The following GFOD1 variants were observed in gnomAD, a reference collection of about 807,000 sequenced individuals.
GFOD1 encodes glucose-fructose oxidoreductase domain-containing protein 1.
In GFOD1, 9 loss-of-function variants were observed where a neutral mutation model predicts 25.4. That is an observed-to-expected ratio of 0.35 (90% CI 0.21 to 0.62). The LOEUF (loss-of-function observed/expected upper bound fraction) is 0.62. GFOD1 is among the 20% of genes least tolerant of loss of function. GFOD1 has a pLI of 0.72. For synonymous variants in GFOD1, 253 were observed against 245.6 expected (o/e 1.03, Z -0.28); for missense variants, 403 against 556.9 (o/e 0.72, Z 2.78).
At chr6:13,425,719 C>T (rs1238372696) in intron 1 of GFOD1, among the ~76,000 whole-genome samples, 1 of 152,108 alleles carries the variant, frequency 6.6e-6, no homozygotes, top group Non-Finnish European at 1.5e-5. Context: ...TAGTCTCCAT[C>T]CGGCTCTGAC....
In GFOD1 at chr6:13,365,098, G is replaced by C; in HGVS notation, c.818C>G (p.Pro273Arg). The C allele has an allele frequency of 6.2e-7, 1 of 1,612,392 alleles. No homozygotes were observed. Among genetic ancestry groups the C allele is most frequent in the Non-Finnish European group, 8.5e-7 (1 of 1,179,810 alleles). The change falls in exon 2 of 2, where the codon CCG becomes CGG. Residue 273 changes from proline to arginine, a missense_variant. Transcript: ENST00000379287. The surrounding 1 kb of genome is among the most constrained non-coding windows in gnomAD (Gnocchi z 9.2). ...GTCCTGCACCAGCAGCTCCTGCTCC[G>C]GGGCGCTGTTGCGCTGCCCGTACAG... ...TDLYGQRNSA[P>R]EQELLVQDAT... is the part of the protein sequence containing the mutation.
At chr6:13,402,085 G>C (rs2127563643) in intron 1 of GFOD1, among the ~76,000 whole-genome samples, 1 of 152,286 alleles carries the variant, frequency 6.6e-6, no homozygotes, top group Middle Eastern at 3.4e-3. Context: ...AATTCAATGG[G>C]AAAAGAATCG....
At chr6:13,464,740 G>A (rs1473298057) in intron 1 of GFOD1, among the ~76,000 whole-genome samples, 1 of 152,194 alleles carries the variant, frequency 6.6e-6, no homozygotes, top group Admixed American at 6.5e-5. Flanking sequence ...CTTCTGAAGA[G>A]GAGGAATTCC....
At chr6:13,480,612 C>G (rs974825567) in intron 1 of GFOD1, among the ~76,000 whole-genome samples, 2 of 152,102 alleles carry the variant, frequency 1.3e-5, no homozygotes, top group African/African-American at 4.8e-5. Context: ...TCAGGTGATC[C>G]TCCCACCTCA....
At chr6:13,391,210 C>T (rs1394552617) in intron 1 of GFOD1, among the ~76,000 whole-genome samples, 1 of 152,100 alleles carries the variant, frequency 6.6e-6, no homozygotes, top group East Asian at 1.9e-4. Context: ...AAATGGACTT[C>T]AATTCCAGTA....
intron 1 of GFOD1, among the ~76,000 whole-genome samples, chr6:13,467,374 T>C (rs1584668898): frequency 6.6e-6 from 1 of 152,062 alleles, no homozygotes; most frequent in Admixed American, 6.6e-5. Flanking sequence ...CACCGCTAAT[T>C]AGTATGGTGT....
intron 1 of GFOD1, among the ~76,000 whole-genome samples, chr6:13,417,111 G>A (rs987710863): frequency 1.3e-5 from 2 of 152,232 alleles, no homozygotes; most frequent in Non-Finnish European, 2.9e-5. Context: ...AATGTGCTAA[G>A]TGAGAAGCAC....
chr6:13,455,012 T>A (rs987387314), intron 1 of GFOD1, among the ~76,000 whole-genome samples: 3 of 152,202 alleles, frequency 2.0e-5, no homozygotes, highest in African/African-American at 7.2e-5. Flanking sequence ...TTTTCCACCA[T>A]CTGATGCAGT....
rs182809474 is a variant in GFOD1 at position 13,397,942 on chromosome 6, C to T, written c.254-32280G>A. 5.9e-5 allele frequency among the ~76,000 whole-genome samples: 9 copies of T among 152,332 alleles called. No individual in the cohort carries two copies. In the East Asian group the frequency reaches 1.7e-3, roughly 29 times the overall value. On this transcript the variant is annotated intron_variant, in intron 1 of 1. Transcript: ENST00000379287. Reference sequence around the variant, plus strand: ...CGACTATGGGCCACATCCCCAGATACTCCCTCTATCTTCCAAAGTATGCAT... The same window carrying T: ...CGACTATGGGCCACATCCCCAGATATTCCCTCTATCTTCCAAAGTATGCAT...
intron 1 of GFOD1, among the ~76,000 whole-genome samples, chr6:13,480,174 T>C (rs1489681522): frequency 6.6e-6 from 1 of 152,090 alleles, no homozygotes; most frequent in Non-Finnish European, 1.5e-5. Flanking sequence ...GCCAAACAAG[T>C]TGGGACAAGA....
chr6:13,359,650 T>A lies in GFOD1; in HGVS notation c.*5093A>T, dbSNP rs921607107. On this transcript the variant is annotated 3_prime_UTR_variant, in exon 2 of 2. Coordinates refer to ENST00000379287, the MANE Select transcript of GFOD1 (RefSeq NM_018988.4). ...ATTCAAGACATAATTGAATTTATTT[T>A]AAAAAATGGATTTCCCGGCTGGGCA... 1.3e-5 allele frequency: 2 copies of A among 152,166 alleles called. No individual in the cohort carries two copies. Among genetic ancestry groups the A allele is most frequent in the African/African-American group, 4.8e-5 (2 of 41,428 alleles). The allele number at this position is 152,166 out of a possible 1,614,324, so 9.4% of individuals were successfully genotyped here.
At chr6:13,381,447 G>A (rs532033588) in intron 1 of GFOD1, among the ~76,000 whole-genome samples, 6 of 152,318 alleles carry the variant, frequency 3.9e-5, no homozygotes, top group African/African-American at 1.4e-4. Context: ...AGGTAATAAA[G>A]GCTCCAGCCC....
rs1275958709 is a variant in GFOD1 at position 13,360,732 on chromosome 6, A to G, written c.*4011T>C. 2.2e-6 allele frequency: 1 copy of G among 456,742 alleles called. No individual in the cohort carries two copies. The highest frequency in any genetic ancestry group is 1.5e-5 in the South Asian group (1 of 64,574). The allele number at this position is 456,742 out of a possible 1,614,324, so 28.3% of individuals were successfully genotyped here. ...AACATCAGATGTTGCATCCTGCTGAACAGGAGGGTGCTGACAGCAGGCTGA... is the reference window on the plus strand; with the variant it reads ...AACATCAGATGTTGCATCCTGCTGAGCAGGAGGGTGCTGACAGCAGGCTGA... On this transcript the variant is annotated 3_prime_UTR_variant, in exon 2 of 2. Transcript: ENST00000379287.
At chr6:13,463,800 T>G in intron 1 of GFOD1, among the ~76,000 whole-genome samples, 1 of 152,326 alleles carries the variant, frequency 6.6e-6, no homozygotes, top group East Asian at 1.9e-4. Context: ...ATATGCTATA[T>G]AGGTACACTA....
intron 1 of GFOD1, chr6:13,470,071 G>A (rs1758460179): frequency 1.4e-6 from 2 of 1,389,148 alleles, no homozygotes; most frequent in Non-Finnish European, 1.9e-6. Context: ...CAGTAAATGG[G>A]TGAGGAATAC....
rs1054795745 is a variant in GFOD1 at position 13,361,741 on chromosome 6, G to A, written c.*3002C>T. The A allele has an allele frequency of 6.6e-6, 1 of 152,052 alleles. No individual in the cohort carries two copies. The highest frequency in any genetic ancestry group is 1.5e-5 in the Non-Finnish European group (1 of 68,006). The allele number at this position is 152,052 out of a possible 1,614,324, so 9.4% of individuals were successfully genotyped here. On this transcript the variant is annotated 3_prime_UTR_variant, in exon 2 of 2. Transcript: ENST00000379287. ...ACTATCCAGTTCTTTTCTTTCTCTT[G>A]TTCCTTCACCTACCTACTACATGCA...
At position 13,400,918 on chromosome 6, in the gene GFOD1, T is replaced by C. The variant is rs977096336; in HGVS notation, c.254-35256A>G. The stretch of plus-strand genomic sequence containing the variant: ...CACCATTCTTTATCACTATTAGTCA[T>C]TGACTCTCAAGTACAGGGGGTGGGG... On this transcript the variant is annotated intron_variant, in intron 1 of 1. Transcript: ENST00000379287. 4.6e-5 allele frequency among the ~76,000 whole-genome samples: 7 copies of C among 152,214 alleles called. No homozygotes were observed. In the East Asian group the frequency reaches 9.6e-4, roughly 21 times the overall value.
chr6:13,369,916 AG>A (rs1785116015), intron 1 of GFOD1, among the ~76,000 whole-genome samples: 1 of 151,580 alleles, frequency 6.6e-6, no homozygotes, highest in East Asian at 1.9e-4. Context: ...TCTGATTAGT[AG>A]GAGTGGTTGG....
chr6:13,451,751 C>T (rs549253063), intron 1 of GFOD1, among the ~76,000 whole-genome samples: 23 of 152,306 alleles, frequency 1.5e-4, no homozygotes, highest in African/African-American at 3.8e-4. Flanking sequence ...CCCAAAGACA[C>T]GCTGGACACC....
Sources: allele counts gnomAD v4.1 joint callset (sites outside exome capture counted in the v4.1 genomes callset), GRCh38; gene constraint gnomAD v4.1.1; non-coding constraint Gnocchi (gnomAD v3.1); transcripts MANE v1.5; gene names NCBI Gene and HGNC (gene_info 2026-07-23, HGNC 2026-07-21).